MYO5B: variants seen among roughly 807,000 people sequenced by gnomAD.
MYO5B encodes myosin VB.
In MYO5B, 143 loss-of-function variants were observed where a neutral mutation model predicts 229.3. That is an observed-to-expected ratio of 0.62 (90% CI 0.54 to 0.72). MYO5B has a LOEUF of 0.72. Among genes scored for constraint, MYO5B ranks in the 30% least tolerant of loss-of-function variants. The pLI, the probability that MYO5B is intolerant of heterozygous loss-of-function variation, is 0.00. For missense variants in MYO5B, 2,321 were observed against 2,331.0 expected (o/e 1.00, Z 0.09); for synonymous variants, 918 against 885.2 (o/e 1.04, Z -0.66).
chr18:50,091,640 C>T (rs2031450612), intron 1 of MYO5B, among the ~76,000 whole-genome samples: 1 of 152,152 alleles, frequency 6.6e-6, no homozygotes, highest in South Asian at 2.1e-4. Flanking sequence ...GAGGCTGTTT[C>T]TGTCTTTGTA....
intron 1 of MYO5B, among the ~76,000 whole-genome samples, chr18:50,116,619 C>A (rs147625982): frequency 6.6e-6 from 1 of 151,984 alleles, no homozygotes; most frequent in Non-Finnish European, 1.5e-5. Flanking sequence ...TGAATAAGGC[C>A]GTTCCTAACC....
intron 17 of MYO5B, among the ~76,000 whole-genome samples, chr18:49,923,541 T>C (rs2144184068): frequency 6.6e-6 from 1 of 152,290 alleles, no homozygotes; most frequent in East Asian, 1.9e-4. Flanking sequence ...AGTAGAAGTG[T>C]GGGCGACACA....
intron 1 of MYO5B, among the ~76,000 whole-genome samples, chr18:50,161,986 C>G (rs2083382797): frequency 1.3e-5 from 2 of 152,242 alleles, no homozygotes; most frequent in Non-Finnish European, 2.9e-5. Context: ...TTGGCATCCA[C>G]TTTTTTGTTC....
chr18:50,022,715 T>C (rs187165208), intron 4 of MYO5B, among the ~76,000 whole-genome samples: 1 of 152,272 alleles, frequency 6.6e-6, no homozygotes, highest in Admixed American at 6.5e-5. Context: ...TCAGAGAGAA[T>C]TCAGGATGTA....
At chr18:49,875,006 C>T (rs975109528) in intron 26 of MYO5B, among the ~76,000 whole-genome samples, 1 of 152,198 alleles carries the variant, frequency 6.6e-6, no homozygotes, top group South Asian at 2.1e-4. Context: ...TTCCTCATAA[C>T]ATTTAAATTC....
intron 1 of MYO5B, among the ~76,000 whole-genome samples, chr18:50,145,857 A>C (rs1042872609): frequency 6.6e-6 from 1 of 152,226 alleles, no homozygotes; most frequent in African/African-American, 2.4e-5. Flanking sequence ...TAGAAACTCA[A>C]AAGTTGTTCT....
intron 27 of MYO5B, among the ~76,000 whole-genome samples, chr18:49,868,697 A>G (rs917471185): frequency 5.3e-5 from 8 of 152,022 alleles, no homozygotes; most frequent in Non-Finnish European, 1.2e-4. Flanking sequence ...CCTACCACTC[A>G]TTCTCCTCTG....
intron 34 of MYO5B, among the ~76,000 whole-genome samples, chr18:49,841,708 C>T (rs1379482770): frequency 6.6e-6 from 1 of 152,218 alleles, no homozygotes; most frequent in Non-Finnish European, 1.5e-5. Flanking sequence ...CAGGGACACA[C>T]ATAAAGGACA....
chr18:50,104,617 T>C (rs1001549189), intron 1 of MYO5B, among the ~76,000 whole-genome samples: 3 of 152,208 alleles, frequency 2.0e-5, no homozygotes, highest in African/African-American at 7.2e-5. Flanking sequence ...CCCACAACTA[T>C]GTAACCAGTT....
At chr18:49,984,195 G>C (rs934703482) in intron 8 of MYO5B, among the ~76,000 whole-genome samples, 7 of 152,220 alleles carry the variant, frequency 4.6e-5, no homozygotes, top group Admixed American at 4.6e-4. Flanking sequence ...CTGAAGGACA[G>C]AGAACTTCTT....
intron 1 of MYO5B, among the ~76,000 whole-genome samples, chr18:50,167,932 G>T (rs1343315915): frequency 1.3e-5 from 2 of 152,138 alleles, no homozygotes; most frequent in Non-Finnish European, 2.9e-5. Context: ...GGCCACTGCT[G>T]CCCTGGGGGC....
chr18:49,939,828 T>C (rs1598897946), intron 14 of MYO5B, among the ~76,000 whole-genome samples: 1 of 152,246 alleles, frequency 6.6e-6, no homozygotes, highest in East Asian at 1.9e-4. Context: ...GCCTTGACTT[T>C]TGAGGTACTT....
intron 1 of MYO5B, among the ~76,000 whole-genome samples, chr18:50,191,646 G>A (rs2033228352): frequency 6.6e-6 from 1 of 151,496 alleles, no homozygotes; most frequent in Admixed American, 6.6e-5. Flanking sequence ...GGGCTCCGAA[G>A]ATTAAGGGTT....
intron 31 of MYO5B, 148 bp from the exon 32 acceptor site, chr18:49,849,808 C>A: frequency 1.4e-6 from 1 of 728,966 alleles, no homozygotes; most frequent in Non-Finnish European, 2.5e-6. Flanking sequence ...AGGAGAGCTG[C>A]TCTTCACAGG....
chr18:50,163,107 A>C (rs1316963942), intron 1 of MYO5B, among the ~76,000 whole-genome samples: 4 of 152,208 alleles, frequency 2.6e-5, no homozygotes, highest in Admixed American at 6.5e-5. Flanking sequence ...ATTGCTACCA[A>C]GGTTGCCAGC....
At chr18:49,982,080 G>T (rs561246357) in intron 8 of MYO5B, among the ~76,000 whole-genome samples, 1 of 152,130 alleles carries the variant, frequency 6.6e-6, no homozygotes, top group African/African-American at 2.4e-5. Flanking sequence ...TTTCTACTTC[G>T]TTTATCTATT....
intron 21 of MYO5B, among the ~76,000 whole-genome samples, chr18:49,901,122 T>C (rs2024836682): frequency 6.6e-6 from 1 of 152,000 alleles, no homozygotes; most frequent in African/African-American, 2.4e-5. Flanking sequence ...GCTTGGAAAA[T>C]CCTTAGGATC....
At chr18:50,089,625 T>A (rs555241598) in intron 1 of MYO5B, among the ~76,000 whole-genome samples, 12 of 151,824 alleles carry the variant, frequency 7.9e-5, no homozygotes, top group African/African-American at 2.9e-4. Flanking sequence ...GGTACCTGCC[T>A]GTGTCCCAGT....
intron 1 of MYO5B, among the ~76,000 whole-genome samples, chr18:50,060,587 A>G (rs1204835862): frequency 1.3e-5 from 2 of 152,238 alleles, no homozygotes; most frequent in African/African-American, 2.4e-5. Flanking sequence ...TGATTTTTGG[A>G]AAGTTCTTTT....
Sources: gnomAD v4.1 joint callset for allele counts (sites outside exome capture counted in the v4.1 genomes callset) on GRCh38, gnomAD v4.1.1 for gene constraint, MANE v1.5 for transcripts, NCBI Gene and HGNC (gene_info 2026-07-23, HGNC 2026-07-21) for gene names.